NUDT3: variants seen among roughly 807,000 people sequenced by gnomAD.
NUDT3 encodes nudix hydrolase 3, also known as diphosphoinositol polyphosphate phosphohydrolase 1.
A neutral mutation model predicts 23.6 loss-of-function variants in NUDT3; 9 were observed. The observed-to-expected ratio is 0.38, with a 90% CI of 0.23 to 0.66. The LOEUF is 0.66. Among genes scored for constraint, NUDT3 ranks in the 30% least tolerant of loss-of-function variants. The pLI, the probability that NUDT3 is intolerant of heterozygous loss-of-function variation, is 0.52. For missense variants in NUDT3, 172 were observed against 218.5 expected (o/e 0.79, Z 1.34); for synonymous variants, 86 against 82.6 (o/e 1.04, Z -0.22).
chr6:34,373,053 G>C (rs1764858591), intron 1 of NUDT3, among the ~76,000 whole-genome samples: 1 of 151,888 alleles, frequency 6.6e-6, no homozygotes, highest in South Asian at 2.1e-4. Context: ...GCCGAGGCGG[G>C]CGAATCACAA....
In NUDT3 at chr6:34,288,817, C is replaced by A. The variant is rs1449132049; in HGVS notation, c.455G>T (p.Gly152Val). 6.2e-7 allele frequency: 1 copy of A among 1,614,060 alleles called. No homozygotes were observed. Among genetic ancestry groups the A allele is most frequent in the South Asian group, 1.1e-5 (1 of 91,072 alleles). The change falls in exon 5 of 5, where the codon GGC becomes GTC. Residue 152 changes from glycine to valine, a missense_variant. Gly to Val is a moderately radical substitution (Grantham distance 109). Transcript: ENST00000607016. ...TLRQGYSANN[G>V]TPVVATTYSV... is the part of the protein sequence containing the mutation. ...GTATGTGGTGGCCACGACTGGGGTG[C>A]CATTGTTGGCTGAGTAGCCTTGCCT...
At chr6:34,337,833 C>G (rs1421123405) in intron 2 of NUDT3, among the ~76,000 whole-genome samples, 1 of 152,232 alleles carries the variant, frequency 6.6e-6, no homozygotes, top group Non-Finnish European at 1.5e-5. Context: ...TTTTTCCTCT[C>G]TCTCTATTCC....
chr6:34,344,222 TCAAA>T (rs1336059979), intron 1 of NUDT3, among the ~76,000 whole-genome samples: 2 of 152,124 alleles, frequency 1.3e-5, no homozygotes, highest in African/African-American at 4.8e-5. Context: ...AAACAGGTAC[TCAAA>T]CAGACACTTC....
intron 1 of NUDT3, among the ~76,000 whole-genome samples, chr6:34,362,736 G>A (rs1207055840): frequency 4.6e-5 from 7 of 152,106 alleles, no homozygotes; most frequent in African/African-American, 1.4e-4. Context: ...GATTACAGGC[G>A]TGAGTCTCTG....
intron 1 of NUDT3, among the ~76,000 whole-genome samples, chr6:34,378,570 C>A (rs946483561): frequency 6.6e-6 from 1 of 152,140 alleles, no homozygotes; most frequent in Non-Finnish European, 1.5e-5. Context: ...GACTATAGGA[C>A]CAATCTTAGA....
chr6:34,332,427 C>T (rs1764141916), intron 2 of NUDT3, among the ~76,000 whole-genome samples: 1 of 152,052 alleles, frequency 6.6e-6, no homozygotes, highest in Non-Finnish European at 1.5e-5. Flanking sequence ...GTTGGTCTTG[C>T]TGTCTCAGGG....
At chr6:34,307,270 T>G (rs1763696637) in intron 2 of NUDT3, among the ~76,000 whole-genome samples, 2 of 151,746 alleles carry the variant, frequency 1.3e-5, no homozygotes, top group Admixed American at 1.3e-4. Flanking sequence ...TAAAAAATAA[T>G]AATTCTAAAA....
chr6:34,296,516 G>A (rs1169126392), intron 2 of NUDT3, among the ~76,000 whole-genome samples: 1 of 142,622 alleles, frequency 7.0e-6, no homozygotes, highest in Non-Finnish European at 1.5e-5. Context: ...GGAGGCTGCA[G>A]TGAGCCGAGA....
At chr6:34,357,214 A>G (rs1039639222) in intron 1 of NUDT3, among the ~76,000 whole-genome samples, 2 of 152,198 alleles carry the variant, frequency 1.3e-5, no homozygotes, top group Non-Finnish European at 2.9e-5. Context: ...TATACATCCT[A>G]CAAAATTGGC....
chr6:34,361,803 T>C (rs1764654167), intron 1 of NUDT3, among the ~76,000 whole-genome samples: 1 of 152,178 alleles, frequency 6.6e-6, no homozygotes, highest in Non-Finnish European at 1.5e-5. Flanking sequence ...GATAACATTC[T>C]GGAAAAGGCA....
intron 1 of NUDT3, among the ~76,000 whole-genome samples, chr6:34,344,870 C>G (rs980464299): frequency 2.0e-5 from 3 of 151,938 alleles, no homozygotes; most frequent in African/African-American, 7.3e-5. Context: ...CCAGGATGGT[C>G]TCGATCTCCT....
At chr6:34,366,816 G>C (rs537830132) in intron 1 of NUDT3, among the ~76,000 whole-genome samples, 96 of 152,182 alleles carry the variant, frequency 6.3e-4, no homozygotes, top group Non-Finnish European at 1.2e-3. Context: ...CAATGTGAAT[G>C]TACTTAATGC....
chr6:34,368,951 GT>G (rs1426475930), intron 1 of NUDT3, among the ~76,000 whole-genome samples: 4 of 152,232 alleles, frequency 2.6e-5, no homozygotes, highest in Admixed American at 6.5e-5. Flanking sequence ...CAGTAGCTCT[GT>G]TTAATAAGTA....
At chr6:34,316,510 C>T (rs1261791718) in intron 2 of NUDT3, among the ~76,000 whole-genome samples, 2 of 152,084 alleles carry the variant, frequency 1.3e-5, no homozygotes, top group Admixed American at 6.6e-5. Flanking sequence ...GGTGTGAATG[C>T]TTGGACTTGC....
intron 1 of NUDT3, among the ~76,000 whole-genome samples, chr6:34,353,227 A>C (rs1015629372): frequency 1.3e-5 from 2 of 152,120 alleles, no homozygotes; most frequent in Non-Finnish European, 2.9e-5. Context: ...TAAATCCTGG[A>C]GATCATTTTA....
At chr6:34,290,153 G>A (rs916250204) in intron 4 of NUDT3, among the ~76,000 whole-genome samples, 5 of 152,118 alleles carry the variant, frequency 3.3e-5, no homozygotes, top group Non-Finnish European at 7.4e-5. Flanking sequence ...AAGAGTAACT[G>A]GCTGCTAAAA....
chr6:34,371,820 T>C (rs558045710), intron 1 of NUDT3, among the ~76,000 whole-genome samples: 3 of 152,216 alleles, frequency 2.0e-5, no homozygotes, highest in Admixed American at 6.5e-5. Context: ...TACGTATACA[T>C]GTGCCATGTT....
Position 34,288,620 on chromosome 6 carries a change from C to T in NUDT3, c.*133G>A, listed in dbSNP as rs958231721. On this transcript the variant is annotated 3_prime_UTR_variant, in exon 5 of 5. Transcript: ENST00000607016. ...ACCAAACAGCAACATTATCAATACACCCTTTCTTTGCTGCCCACCATGCCT... is the reference window on the plus strand; with the variant it reads ...ACCAAACAGCAACATTATCAATACATCCTTTCTTTGCTGCCCACCATGCCT... 6.5e-6 allele frequency: 8 copies of T among 1,222,468 alleles called. No individual in the cohort carries two copies. Among genetic ancestry groups the T allele is most frequent in the Non-Finnish European group, 9.0e-6 (8 of 893,700 alleles). The allele number at this position is 1,222,468 out of a possible 1,614,324, so 75.7% of individuals were successfully genotyped here.
chr6:34,329,355 A>T (rs1235692031), intron 2 of NUDT3, among the ~76,000 whole-genome samples: 2 of 152,196 alleles, frequency 1.3e-5, no homozygotes, highest in East Asian at 3.8e-4. Context: ...ATCTCAGCTC[A>T]CTGCAACTTC....
Sources: allele counts gnomAD v4.1 joint callset (sites outside exome capture counted in the v4.1 genomes callset), GRCh38; gene constraint gnomAD v4.1.1; transcripts MANE v1.5; gene names NCBI Gene and HGNC (gene_info 2026-07-23, HGNC 2026-07-21).